GALNT13: variants seen among roughly 807,000 people sequenced by gnomAD.
The protein encoded by GALNT13 is polypeptide N-acetylgalactosaminyltransferase 13.
Under a neutral mutation model 64.2 loss-of-function variants are expected in GALNT13, and 28 were observed. The observed-to-expected ratio is 0.44, with a 90% CI of 0.32 to 0.60. The LOEUF (loss-of-function observed/expected upper bound fraction) is 0.60, where lower values mean the gene tolerates loss of function less well. Ranked by LOEUF, GALNT13 falls within the 20% of genes least tolerant of loss-of-function variation. The pLI, the probability that GALNT13 is intolerant of heterozygous loss-of-function variation, is 0.05. For synonymous variants in GALNT13, 214 were observed against 224.6 expected (o/e 0.95, Z 0.42); for missense variants, 577 against 669.8 (o/e 0.86, Z 1.53).
chr2:154,059,824 G>T (rs1407588378), intron 3 of GALNT13, among the ~76,000 whole-genome samples: 2 of 152,086 alleles, frequency 1.3e-5, no homozygotes, highest in East Asian at 1.9e-4. Context: ...CACTCAAAAA[G>T]AGTGACTAAG....
chr2:153,634,678 G>A, the GALNT13 span, among the ~76,000 whole-genome samples: 3 of 150,612 alleles, frequency 2.0e-5, no homozygotes, highest in Non-Finnish European at 4.4e-5. Context: ...AGCCTCCCGA[G>A]TAGCTGGGAC....
intron 4 of GALNT13, among the ~76,000 whole-genome samples, chr2:154,147,425 A>C (rs1413210858): frequency 1.3e-5 from 2 of 149,934 alleles, no homozygotes; most frequent in Non-Finnish European, 3.0e-5. Context: ...GGCAGTGTGA[A>C]TTTAGAAGTG....
chr2:153,986,230 G>T (rs865863901), intron 3 of GALNT13, among the ~76,000 whole-genome samples: 15 of 152,042 alleles, frequency 9.9e-5, no homozygotes, highest in Middle Eastern at 6.8e-3. Context: ...TATTTTGGAA[G>T]AATCTCATGT....
At chr2:153,328,208 G>A in the GALNT13 span, among the ~76,000 whole-genome samples, 2 of 152,196 alleles carry the variant, frequency 1.3e-5, no homozygotes, top group Admixed American at 6.5e-5. Flanking sequence ...CCAGATGCCA[G>A]CCAGAGGTCT....
At chr2:154,022,910 G>T (rs555646518) in intron 3 of GALNT13, among the ~76,000 whole-genome samples, 6 of 152,026 alleles carry the variant, frequency 3.9e-5, no homozygotes, top group Non-Finnish European at 8.8e-5. Flanking sequence ...TGTTCTCATT[G>T]GTTTCAAAGA....
chr2:154,151,482 C>T (rs555760445), intron 4 of GALNT13, among the ~76,000 whole-genome samples: 2 of 152,140 alleles, frequency 1.3e-5, no homozygotes, highest in East Asian at 1.9e-4. Flanking sequence ...TCCTGGGTAT[C>T]CTTGTTAACT....
chr2:153,073,003 G>C, the GALNT13 span, among the ~76,000 whole-genome samples: 2 of 152,176 alleles, frequency 1.3e-5, no homozygotes, highest in Non-Finnish European at 2.9e-5. Flanking sequence ...CGGTTTCACA[G>C]CTACCATTGT....
the GALNT13 span, among the ~76,000 whole-genome samples, chr2:153,529,828 G>A: frequency 5.7e-4 from 87 of 152,110 alleles, 2 homozygotes; most frequent in South Asian, 0.018. Flanking sequence ...AATTGATGCT[G>A]AAAAAGCATT....
At chr2:154,246,046 T>G (rs1689766521) in intron 7 of GALNT13, 64 bp downstream of exon 7, 1 of 1,105,750 alleles carries the variant, frequency 9.0e-7, no homozygotes, top group South Asian at 1.6e-5. Flanking sequence ...ATATTATAGA[T>G]TTCTGTTCTA....
At chr2:154,421,371 G>A (rs1438092844) in intron 11 of GALNT13, among the ~76,000 whole-genome samples, 1 of 151,944 alleles carries the variant, frequency 6.6e-6, no homozygotes, top group Non-Finnish European at 1.5e-5. Flanking sequence ...CATCGATATG[G>A]CTAAAACACA....
At chr2:153,355,888 A>G in the GALNT13 span, among the ~76,000 whole-genome samples, 2 of 152,226 alleles carry the variant, frequency 1.3e-5, no homozygotes, top group African/African-American at 4.8e-5. Flanking sequence ...AAAGTCAATT[A>G]TCACACTTCT....
At chr2:153,603,284 T>C in the GALNT13 span, among the ~76,000 whole-genome samples, 1 of 151,824 alleles carries the variant, frequency 6.6e-6, no homozygotes, top group Non-Finnish European at 1.5e-5. Flanking sequence ...GGGAACATCA[T>C]GTAACCTTGG....
chr2:153,302,814 G>A, the GALNT13 span, among the ~76,000 whole-genome samples: 2 of 152,082 alleles, frequency 1.3e-5, no homozygotes, highest in African/African-American at 4.8e-5. Context: ...TTTCCTAAAT[G>A]TGTGTTCTTG....
chr2:153,203,304 G>C, the GALNT13 span, among the ~76,000 whole-genome samples: 1 of 152,146 alleles, frequency 6.6e-6, no homozygotes, highest in East Asian at 1.9e-4. Context: ...AGAAAATTTA[G>C]AGTGCATTTT....
At chr2:153,521,742 C>T in the GALNT13 span, among the ~76,000 whole-genome samples, 1 of 152,084 alleles carries the variant, frequency 6.6e-6, no homozygotes, top group Admixed American at 6.6e-5. Context: ...CTTTTTTGGT[C>T]TCCATAGTTT....
chr2:153,882,929 C>T (rs558917570), intron 1 of GALNT13, among the ~76,000 whole-genome samples: 9 of 151,290 alleles, frequency 5.9e-5, no homozygotes, highest in South Asian at 2.1e-4. Context: ...AATTTTAGAA[C>T]GTCTGCAACA....
the GALNT13 span, among the ~76,000 whole-genome samples, chr2:153,634,540 ATCT>A: frequency 8.0e-6 from 1 of 125,296 alleles, no homozygotes; most frequent in African/African-American, 3.2e-5. Context: ...AAAGATGGAA[ATCT>A]TTTTTTTTTT....
the GALNT13 span, among the ~76,000 whole-genome samples, chr2:153,081,733 T>C: frequency 2.0e-5 from 3 of 152,242 alleles, no homozygotes; most frequent in Non-Finnish European, 4.4e-5. Context: ...TACTCCGCTA[T>C]GTACATGTAC....
chr2:153,362,581 G>A, the GALNT13 span, among the ~76,000 whole-genome samples: 4 of 137,792 alleles, frequency 2.9e-5, no homozygotes, highest in East Asian at 4.0e-4. Flanking sequence ...AAAAGGCAGG[G>A]GTTGCAATCC....
Sources: allele counts gnomAD v4.1 joint callset (sites outside exome capture counted in the v4.1 genomes callset), GRCh38; gene constraint gnomAD v4.1.1; transcripts MANE v1.5; gene names NCBI Gene and HGNC (gene_info 2026-07-23, HGNC 2026-07-21).